CNTN4: variants seen among roughly 807,000 people sequenced by gnomAD.
CNTN4 encodes contactin-4.
Under a neutral mutation model 122.5 loss-of-function variants are expected in CNTN4, and 77 were observed. The ratio of observed to expected loss-of-function variants is 0.63; its 90% CI spans 0.52 to 0.76. The LOEUF is 0.76. CNTN4 is among the 30% of genes least tolerant of loss of function. CNTN4 has a pLI of 0.00. For missense variants in CNTN4, 1,256 were observed against 1,259.1 expected, an observed-to-expected ratio of 1.00 and a Z score of 0.04; for synonymous variants, 512 against 447.0, an observed-to-expected ratio of 1.15 and a Z score of -1.83.
chr3:2,422,089 A>T (rs1161962000), intron 3 of CNTN4, among the ~76,000 whole-genome samples: 1 of 152,248 alleles, frequency 6.6e-6, no homozygotes, highest in African/African-American at 2.4e-5. Context: ...ATAAAAAGGC[A>T]GCACAAGGTG....
At position 2,632,231 on chromosome 3, in the gene CNTN4, C is replaced by T. The variant is rs568943068; in HGVS notation, c.55+60673C>T. Among the ~76,000 whole-genome samples the T allele has an allele frequency of 7.1e-4, 108 of 152,202 alleles. 1 individual carries two copies. Among genetic ancestry groups the T allele is most frequent in the South Asian group, 4.8e-3 (23 of 4,822 alleles). On this transcript the variant is annotated intron_variant, in intron 4 of 24. Coordinates refer to ENST00000418658, the MANE Select transcript of CNTN4 (RefSeq NM_175607.3). ...TGGTACATTTTCTACCTAGTGCAGT[C>T]GTATCTTATTTAGAGTCTCATTTCT...
At chr3:3,012,167 A>G (rs1697296948) in intron 14 of CNTN4, among the ~76,000 whole-genome samples, 1 of 152,100 alleles carries the variant, frequency 6.6e-6, no homozygotes, top group Non-Finnish European at 1.5e-5. Context: ...GTACACCCTC[A>G]CCACAAGAAT....
chr3:2,654,154 A>G (rs2083478831), intron 4 of CNTN4, among the ~76,000 whole-genome samples: 1 of 152,164 alleles, frequency 6.6e-6, no homozygotes, highest in Admixed American at 6.5e-5. Context: ...TACTCCTTCT[A>G]CTCCAAAGCT....
At chr3:3,006,496 T>A (rs1401815905) in intron 14 of CNTN4, among the ~76,000 whole-genome samples, 1 of 152,216 alleles carries the variant, frequency 6.6e-6, no homozygotes, top group Non-Finnish European at 1.5e-5. Context: ...AGTGATCATC[T>A]CTTCCAGCTC....
At chr3:2,997,329 G>A (rs1695624578) in intron 14 of CNTN4, among the ~76,000 whole-genome samples, 1 of 152,218 alleles carries the variant, frequency 6.6e-6, no homozygotes. Flanking sequence ...CTATGTGTAT[G>A]TTTTAAATCA....
At chr3:2,253,715 C>G (rs886348842) in intron 2 of CNTN4, among the ~76,000 whole-genome samples, 3 of 151,806 alleles carry the variant, frequency 2.0e-5, no homozygotes, top group Non-Finnish European at 4.4e-5. Flanking sequence ...CATCTCGGCT[C>G]ACTGCAGCCT....
At chr3:2,556,038 G>A (rs2078707392) in intron 3 of CNTN4, among the ~76,000 whole-genome samples, 1 of 152,076 alleles carries the variant, frequency 6.6e-6, no homozygotes, top group African/African-American at 2.4e-5. Flanking sequence ...TTTTTTCCCT[G>A]AAACCATCTG....
At chr3:2,672,358 TCA>T (rs1304002787) in intron 4 of CNTN4, among the ~76,000 whole-genome samples, 1 of 152,136 alleles carries the variant, frequency 6.6e-6, no homozygotes, top group Non-Finnish European at 1.5e-5. Context: ...CAGTTTGATC[TCA>T]GACTGCCGTG....
chr3:2,844,675 G>T (rs971095593), intron 7 of CNTN4, among the ~76,000 whole-genome samples: 3 of 152,136 alleles, frequency 2.0e-5, no homozygotes, highest in Admixed American at 6.5e-5. Flanking sequence ...ACTACAATTA[G>T]AAGTCAACCA....
chr3:2,784,623 G>A (rs539454308), intron 6 of CNTN4, among the ~76,000 whole-genome samples: 1 of 152,094 alleles, frequency 6.6e-6, no homozygotes, highest in African/African-American at 2.4e-5. Flanking sequence ...CATCAAGCTG[G>A]AAGTTAAGTT....
At chr3:2,117,643 T>C (rs527540871) in intron 2 of CNTN4, among the ~76,000 whole-genome samples, 1 of 152,340 alleles carries the variant, frequency 6.6e-6, no homozygotes, top group African/African-American at 2.4e-5. Flanking sequence ...CTAATTAGCA[T>C]ACAAAAGATT....
chr3:2,101,417 G>A (rs2031944287), intron 2 of CNTN4, among the ~76,000 whole-genome samples: 1 of 152,086 alleles, frequency 6.6e-6, no homozygotes. Flanking sequence ...TTATATTTGA[G>A]GACAGACATA....
chr3:2,873,411 C>T (rs1277789388), intron 8 of CNTN4, among the ~76,000 whole-genome samples: 1 of 152,222 alleles, frequency 6.6e-6, no homozygotes, highest in African/African-American at 2.4e-5. Context: ...TGCATTCAGT[C>T]TTTCAGGCCA....
At position 3,003,799 on chromosome 3, in the gene CNTN4, G is replaced by T. The variant is rs1696322159; in HGVS notation, c.1486+15327G>T. On this transcript the variant is annotated intron_variant, in intron 14 of 24. Coordinates refer to ENST00000418658, the MANE Select transcript of CNTN4 (RefSeq NM_175607.3). ...GAGTCTTGTTCTGTCACCCAGGCTG[G>T]AGTGCAGTAGCATGATCATAGCTCA... Among the ~76,000 whole-genome samples the T allele has an allele frequency of 2.6e-5, 4 of 151,552 alleles. No individual in the cohort carries two copies. In the South Asian group the frequency reaches 8.4e-4, roughly 32 times the overall value.
intron 3 of CNTN4, among the ~76,000 whole-genome samples, chr3:2,411,770 G>A (rs1412638825): frequency 1.3e-5 from 2 of 151,986 alleles, no homozygotes; most frequent in Non-Finnish European, 2.9e-5. Flanking sequence ...AAATTTTTGT[G>A]CCTTTTTGCT....
chr3:2,208,446 G>A (rs1559343413), intron 2 of CNTN4, among the ~76,000 whole-genome samples: 1 of 152,082 alleles, frequency 6.6e-6, no homozygotes, highest in Non-Finnish European at 1.5e-5. Flanking sequence ...TAAGGAGTTG[G>A]TTCTGATGGA....
intron 14 of CNTN4, among the ~76,000 whole-genome samples, chr3:3,008,718 C>T (rs1203795735): frequency 1.3e-5 from 2 of 152,150 alleles, no homozygotes; most frequent in African/African-American, 2.4e-5. Context: ...TTTCCCTTCT[C>T]AAACGACCCA....
At chr3:3,034,911 G>T in intron 17 of CNTN4, 121 bp downstream of exon 17, 1 of 1,122,600 alleles carries the variant, frequency 8.9e-7, no homozygotes, top group Non-Finnish European at 1.3e-6. Flanking sequence ...TTATGGCAGT[G>T]TTTCCTAAAC....
chr3:3,026,032 C>A, intron 14 of CNTN4, 70 bp from the exon 15 acceptor site: 1 of 1,424,586 alleles, frequency 7.0e-7, no homozygotes, highest in South Asian at 1.2e-5. Flanking sequence ...CTCTTGGAGT[C>A]TACATTGTAT....
Sources: gnomAD v4.1 joint callset for allele counts (sites outside exome capture counted in the v4.1 genomes callset) on GRCh38, gnomAD v4.1.1 for gene constraint, MANE v1.5 for transcripts, NCBI Gene and HGNC (gene_info 2026-07-23, HGNC 2026-07-21) for gene names.